PCDHGB6: variants seen among roughly 807,000 people sequenced by gnomAD.
PCDHGB6 encodes protocadherin gamma subfamily B, 6.
A neutral mutation model predicts 59.1 loss-of-function variants in PCDHGB6; 51 were observed. The observed-to-expected ratio is 0.86, with a 90% CI of 0.69 to 1.09. PCDHGB6 has a LOEUF of 1.09. Ranked by LOEUF, PCDHGB6 falls within the 50% of genes least tolerant of loss-of-function variation. The probability of loss-of-function intolerance (pLI) is 0.00; values close to 1 mark genes in which losing one functional copy is unlikely to be tolerated. For missense variants in PCDHGB6, 1,148 were observed against 1,205.1 expected (o/e 0.95, Z 0.70); for synonymous variants, 466 against 495.1 (o/e 0.94, Z 0.78).
intron 1 of PCDHGB6, among the ~76,000 whole-genome samples, chr5:141,468,178 T>G (rs1033546956): frequency 1.3e-5 from 2 of 151,580 alleles, no homozygotes; most frequent in African/African-American, 4.8e-5. Context: ...TAGAAAAATT[T>G]GCTGGGCATG....
Position 141,490,652 on chromosome 5 carries a change from C to T in PCDHGB6, c.2419-4155C>T, listed in dbSNP as rs1277273880. The T allele has an allele frequency of 1.2e-6, 2 of 1,614,208 alleles. No individual in the cohort carries two copies. The highest frequency in any genetic ancestry group is 1.7e-6 in the Non-Finnish European group (2 of 1,180,026). On this transcript the variant is annotated intron_variant, in intron 1 of 3. Coordinates refer to ENST00000520790, the MANE Select transcript of PCDHGB6 (RefSeq NM_018926.3). The surrounding 1 kb of genome is among the most constrained non-coding windows in gnomAD (Gnocchi z 5.4). ...ATCCTAGAAAACCGGCCTCCGGGCT[C>T]CCTTCTTTGCACTGTGGCTGCCTCA...
Position 141,491,166 on chromosome 5 carries a change from G to A in PCDHGB6, c.2419-3641G>A. 1 of 1,614,150 alleles carries A rather than the reference G, an allele frequency of 6.2e-7. No individual in the cohort carries two copies. The highest frequency in any genetic ancestry group is 8.5e-7 in the Non-Finnish European group (1 of 1,179,964). ...TACTGGAGGATGACTCTGACACCCA[G>A]CAGGTGGTGGTCCTGGTGAGGGACA... On this transcript the variant is annotated intron_variant, in intron 1 of 3. Transcript: ENST00000520790. The surrounding 1 kb of genome is among the most constrained non-coding windows in gnomAD (Gnocchi z 6.9).
intron 1 of PCDHGB6, chr5:141,426,791 C>T (rs2096960403): frequency 2.2e-6 from 1 of 456,574 alleles, no homozygotes; most frequent in Non-Finnish European, 4.4e-6. Context: ...TCCAGAGTTA[C>T]CAGCTCAGTT....
At position 141,410,182 on chromosome 5, in the gene PCDHGB6, T is replaced by G; in HGVS notation, c.1980T>G (p.Leu660=). Residue 660 remains leucine (L), a synonymous_variant, in exon 1 of 4, where the codon CTT becomes CTG. Transcript: ENST00000520790. ...GQPPLSATAT[L]HLVFADNLQE... The stretch of plus-strand genomic sequence containing the variant: ...CGCCACTCTCTGCCACCGCCACGCT[T>G]CATCTGGTCTTCGCAGACAACTTGC... 6.2e-7 allele frequency: 1 copy of G among 1,613,868 alleles called. No individual in the cohort carries two copies. The highest frequency in any genetic ancestry group is 8.5e-7 in the Non-Finnish European group (1 of 1,179,786).
In PCDHGB6 at chr5:141,410,195, G is replaced by A. The variant is rs769655902; in HGVS notation, c.1993G>A (p.Ala665Thr). The A allele has an allele frequency of 1.1e-5, 18 of 1,613,966 alleles. No individual in the cohort carries two copies. The highest frequency in any genetic ancestry group is 1.0e-5 in the Non-Finnish European group (12 of 1,179,860). ...CACCGCCACGCTTCATCTGGTCTTCGCAGACAACTTGCAAGAGATACTGCC... is the reference window on the plus strand; with the variant it reads ...CACCGCCACGCTTCATCTGGTCTTCACAGACAACTTGCAAGAGATACTGCC... ...SATATLHLVFADNLQEILPDL... is the reference protein window; with the variant it reads ...SATATLHLVFTDNLQEILPDL... Residue 665 changes from alanine (A) to threonine (T), a missense_variant, in exon 1 of 4, where the codon GCA becomes ACA. Coordinates refer to ENST00000520790, the MANE Select transcript of PCDHGB6 (RefSeq NM_018926.3).
In PCDHGB6 at chr5:141,410,094, C is replaced by A; in HGVS notation, c.1892C>A (p.Ala631Asp). ...LRTGEVRTARALGDRDAARQR... is the reference protein window; with the variant it reads ...LRTGEVRTARDLGDRDAARQR... Reference sequence around the variant, plus strand: ...ACTGGGGAGGTGCGCACGGCTCGAGCCTTAGGCGACAGGGACGCAGCCCGC... The same window carrying A: ...ACTGGGGAGGTGCGCACGGCTCGAGACTTAGGCGACAGGGACGCAGCCCGC... Residue 631 changes from alanine (A) to aspartate (D), a missense_variant, in exon 1 of 4, where the codon GCC (alanine) becomes GAC (aspartate). Transcript: ENST00000520790. 1 of 1,612,646 alleles carries A rather than the reference C, an allele frequency of 6.2e-7. No homozygotes were observed. Among genetic ancestry groups the A allele is most frequent in the South Asian group, 1.1e-5 (1 of 91,030 alleles).
Position 141,431,072 on chromosome 5 carries a change from A to G in PCDHGB6, c.2418+20452A>G. On this transcript the variant is annotated intron_variant, in intron 1 of 3. Transcript: ENST00000520790. The surrounding 1 kb of genome is among the most constrained non-coding windows in gnomAD (Gnocchi z 4.8). ...TATGGGGGCCATCAAGTGTCAATTA[A>G]ATCTAGACATTCTGATGGAGGATAA... is the stretch of plus-strand genomic sequence containing the variant. 1 of 1,614,220 alleles carries G rather than the reference A, an allele frequency of 6.2e-7. No individual in the cohort carries two copies. Among genetic ancestry groups the G allele is most frequent in the Non-Finnish European group, 8.5e-7 (1 of 1,180,012 alleles).
intron 1 of PCDHGB6, among the ~76,000 whole-genome samples, chr5:141,481,039 C>T (rs748434260): frequency 4.6e-5 from 7 of 152,048 alleles, no homozygotes; most frequent in Non-Finnish European, 8.8e-5. Flanking sequence ...GCCTGGGCGA[C>T]AGAGCGAGAC....
rs754237134 is a variant in PCDHGB6, at chr5:141,409,357, T to C, written c.1155T>C (p.Asn385=). 2.5e-6 allele frequency: 4 copies of C among 1,613,968 alleles called. No homozygotes were observed. The highest frequency in any genetic ancestry group is 2.5e-6 in the Non-Finnish European group (3 of 1,179,886). Residue 385 remains asparagine (N), a synonymous_variant, in exon 1 of 4, where the codon AAT becomes AAC. Coordinates refer to ENST00000520790, the MANE Select transcript of PCDHGB6 (RefSeq NM_018926.3). ...DFGGNGEVRC[N]IETDIPFKIY... ...GAGGAAATGGAGAAGTCAGGTGTAA[T>C]ATAGAAACAGACATTCCATTCAAGA...
chr5:141,457,798 C>T (rs1233396158), intron 1 of PCDHGB6, among the ~76,000 whole-genome samples: 5 of 152,194 alleles, frequency 3.3e-5, no homozygotes, highest in African/African-American at 9.6e-5. Context: ...GTTATCCTCT[C>T]CTCTTGAGGT....
intron 1 of PCDHGB6, chr5:141,428,120 C>T (rs756805763): frequency 3.7e-6 from 6 of 1,606,528 alleles, no homozygotes; most frequent in East Asian, 4.5e-5. Flanking sequence ...CCATCGAGCC[C>T]GGGCTTTTCA....
At chr5:141,497,478 C>A (rs974494984) in intron 2 of PCDHGB6, among the ~76,000 whole-genome samples, 1 of 150,954 alleles carries the variant, frequency 6.6e-6, no homozygotes, top group African/African-American at 2.4e-5. Flanking sequence ...GGAGAAGGTG[C>A]GGAACCTCTC....
chr5:141,482,530 CAAAAA>C (rs3074545), intron 1 of PCDHGB6, among the ~76,000 whole-genome samples: 1 of 76,558 alleles, frequency 1.3e-5, no homozygotes, highest in African/African-American at 4.8e-5. Context: ...GACAGACATG[CAAAAA>C]AAAAAAAAAA....
chr5:141,452,749 G>A (rs1453824335), intron 1 of PCDHGB6, among the ~76,000 whole-genome samples: 1 of 152,052 alleles, frequency 6.6e-6, no homozygotes, highest in African/African-American at 2.4e-5. Flanking sequence ...AGAGAAGGAA[G>A]AAGGAAGGGA....
rs934366037 is a variant in PCDHGB6, at chr5:141,408,906, C to T, written c.704C>T (p.Thr235Ile). Residue 235 changes from threonine to isoleucine, a missense_variant, in exon 1 of 4, where the codon ACC (threonine) becomes ATC (isoleucine). Transcript: ENST00000520790. Reference sequence around the variant, plus strand: ...CACATAGAAATTTCTGTCAAGGATACCAATGATAACCCCCCGGTTTTCAGC... The same window carrying T: ...CACATAGAAATTTCTGTCAAGGATATCAATGATAACCCCCCGGTTTTCAGC... ...TAHIEISVKD[T>I]NDNPPVFSRD... 2.5e-6 allele frequency: 4 copies of T among 1,613,136 alleles called. No homozygotes were observed. The African/African-American group carries it at 4.0e-5, about 16-fold the overall frequency.
intron 1 of PCDHGB6, chr5:141,415,379 G>T: frequency 3.7e-6 from 6 of 1,614,250 alleles, no homozygotes; most frequent in Non-Finnish European, 3.4e-6. Flanking sequence ...TCAGGAGGCG[G>T]CTTGACAGGT....
At position 141,408,036 on chromosome 5, in the gene PCDHGB6, A is replaced by G. The variant is rs941133513; in HGVS notation, c.-167A>G. On this transcript the variant is annotated 5_prime_UTR_variant, in exon 1 of 4. Coordinates refer to ENST00000520790, the MANE Select transcript of PCDHGB6 (RefSeq NM_018926.3). ...AGCCAACAACAGAAAGAAGAAAACC[A>G]GCTCCCACACAGAGCCTCCCGGCTG... 7.9e-6 allele frequency: 9 copies of G among 1,132,718 alleles called. No individual in the cohort carries two copies. In the African/African-American group the frequency reaches 1.4e-4, roughly 18 times the overall value. The allele number at this position is 1,132,718 out of a possible 1,614,324, so 70.2% of individuals were successfully genotyped here. A position where few individuals can be genotyped will look rare whatever the true frequency, so the allele number is the denominator to read the frequency against.
At position 141,431,258 on chromosome 5, in the gene PCDHGB6, C is replaced by G. The variant is rs754250241; in HGVS notation, c.2418+20638C>G. 6.2e-6 allele frequency: 10 copies of G among 1,614,186 alleles called. No individual in the cohort carries two copies. The highest frequency in any genetic ancestry group is 1.6e-4 in the Middle Eastern group (1 of 6,062). ...GGATCCGGATATCGGGAAGAACTCT[C>G]TGCAGAGCTACGAGCTCAGCCCGAA... On this transcript the variant is annotated intron_variant, in intron 1 of 3. Transcript: ENST00000520790. This position sits in a 1 kb window ranked among gnomAD's most constrained non-coding sequence, Gnocchi z 4.8.
rs1017556555 is a variant in PCDHGB6, at chr5:141,408,302, C to T, written c.100C>T (p.Arg34Cys). 6.2e-7 allele frequency: 1 copy of T among 1,613,780 alleles called. No individual in the cohort carries two copies. Among genetic ancestry groups the T allele is most frequent in the Non-Finnish European group, 8.5e-7 (1 of 1,179,710 alleles). ...CTACCCCACCCTGAGTGAGCCGATC[C>T]GCTACTCGATTCCGGAGGAGCTGGC... Reference protein sequence around the residue: ...LFYPTLSEPIRYSIPEELAKG... With the variant: ...LFYPTLSEPICYSIPEELAKG... Residue 34 changes from arginine to cysteine, a missense_variant, in exon 1 of 4, where the codon CGC (arginine) becomes TGC (cysteine). By Grantham distance (180) the Arg-to-Cys change is radical. Around this residue, in one of 5 missense-constraint regions of PCDHGB6, gnomAD observed 307 missense variants for 323.8 expected, o/e 0.95. Transcript: ENST00000520790.
Sources: gnomAD v4.1 joint callset for allele counts (sites outside exome capture counted in the v4.1 genomes callset) on GRCh38, gnomAD v4.1.1 for gene constraint, gnomAD v4.1.1 regional missense constraint, Gnocchi (gnomAD v3.1) non-coding constraint, MANE v1.5 for transcripts, NCBI Gene and HGNC (gene_info 2026-07-23, HGNC 2026-07-21) for gene names.